Variants in MRNIP observed in about 807,000 individuals in gnomAD.
MRNIP encodes the protein MRN complex interacting protein, also known as MRN complex-interacting protein.
MRNIP carries 30 observed loss-of-function variants against 29.8 expected under a neutral mutation model. The observed-to-expected ratio is 1.01, with a 90% CI of 0.75 to 1.36. The LOEUF is 1.36. Among genes scored for constraint, MRNIP ranks in the 40% most tolerant of loss-of-function variants. The pLI, the probability that MRNIP is intolerant of heterozygous loss-of-function variation, is 0.00. For synonymous variants in MRNIP, 201 were observed against 164.1 expected, an observed-to-expected ratio of 1.23 and a Z score of -1.72; for missense variants, 459 against 423.5, an observed-to-expected ratio of 1.08 and a Z score of -0.74.
At chr5:179,851,160 G>A (rs1182993773) in intron 2 of MRNIP, 1 of 451,870 alleles carries the variant, frequency 2.2e-6, no homozygotes, top group Admixed American at 2.4e-5. Flanking sequence ...GCATTGAGGG[G>A]AGTAAGAAGG....
At chr5:179,851,216 T>G (rs529344175) in intron 2 of MRNIP, 16 of 455,368 alleles carry the variant, frequency 3.5e-5, no homozygotes, top group Admixed American at 1.9e-4. Flanking sequence ...AAACAAGCCA[T>G]GCTCACCATG....
intron 1 of MRNIP, among the ~76,000 whole-genome samples, chr5:179,855,136 A>T (rs1170674105): frequency 1.4e-5 from 2 of 142,518 alleles, no homozygotes; most frequent in Non-Finnish European, 2.9e-5. Flanking sequence ...CAATTTTTTA[A>T]TTTTAATTTT....
At chr5:179,845,190 T>C (rs1759076792) in intron 3 of MRNIP, among the ~76,000 whole-genome samples, 1 of 150,580 alleles carries the variant, frequency 6.6e-6, no homozygotes, top group African/African-American at 2.5e-5. Flanking sequence ...ACGTGTCCAC[T>C]GAATTTTTAA....
At chr5:179,851,834 C>T (rs1759381706) in intron 2 of MRNIP, among the ~76,000 whole-genome samples, 3 of 151,674 alleles carry the variant, frequency 2.0e-5, no homozygotes, top group South Asian at 2.1e-4. Context: ...AAATATTAGC[C>T]GGGCGTGGTG....
At chr5:179,843,051 A>AAGGAAGGG (rs1758972742) in intron 4 of MRNIP, among the ~76,000 whole-genome samples, 2 of 129,022 alleles carry the variant, frequency 1.6e-5, no homozygotes, top group African/African-American at 5.3e-5. Context: ...AGAAGGAAGG[A>AAGGAAGGG]AGGAAGGAAG....
At chr5:179,858,587 C>G (rs571388170) in intron 1 of MRNIP, 144 bp downstream of exon 1, 2 of 578,060 alleles carry the variant, frequency 3.5e-6, no homozygotes. Context: ...GGGGCGACCC[C>G]AATGAGACCC....
At chr5:179,841,705 C>T (rs1758885265) in intron 5 of MRNIP, 1 of 617,252 alleles carries the variant, frequency 1.6e-6, no homozygotes, top group African/African-American at 1.8e-5. Flanking sequence ...CCTGCCCAGC[C>T]TTCGCCTCTG....
At chr5:179,841,572 C>G (rs1231283052) in intron 5 of MRNIP, 6 of 265,558 alleles carry the variant, frequency 2.3e-5, no homozygotes, top group Non-Finnish European at 4.2e-5. Flanking sequence ...AAGTCTGAGG[C>G]CTCTGCTTCT....
intron 3 of MRNIP, among the ~76,000 whole-genome samples, chr5:179,846,505 T>C (rs776948460): frequency 1.3e-5 from 2 of 152,028 alleles, no homozygotes; most frequent in Non-Finnish European, 2.9e-5. Context: ...ATGGTCTCGA[T>C]CTCTTGACCT....
Position 179,837,860 on chromosome 5 carries a change from A to T in MRNIP, c.563T>A (p.Val188Glu). ...GAGGCAGGGGCTGCTGCCTTGTTTC[A>T]CCTTCCATGTCAGGCCAGCCTGTCC... ...QKGQAGLTWK[V>E]KQGSSPCLQE... The change falls in exon 7 of 7, where the codon GTG becomes GAG. Residue 188 changes from valine (V) to glutamate (E), a missense_variant. Physicochemically the swap from Val to Glu is moderately radical, Grantham distance 121 (BLOSUM62 -2). Coordinates refer to ENST00000292586, the MANE Select transcript of MRNIP (RefSeq NM_016175.4). 2.5e-6 allele frequency: 4 copies of T among 1,607,036 alleles called. No homozygotes were observed. The highest frequency in any genetic ancestry group is 3.4e-6 in the Non-Finnish European group (4 of 1,179,604).
chr5:179,851,890 A>G (rs1010023617), intron 2 of MRNIP, among the ~76,000 whole-genome samples: 2 of 152,044 alleles, frequency 1.3e-5, no homozygotes, highest in East Asian at 3.9e-4. Flanking sequence ...AGGCAGGAGA[A>G]TGGCGTAAAC....
At chr5:179,852,808 A>T in intron 2 of MRNIP, among the ~76,000 whole-genome samples, 1 of 152,188 alleles carries the variant, frequency 6.6e-6, no homozygotes, top group East Asian at 1.9e-4. Flanking sequence ...CCTAGAGTTC[A>T]GGAGGGGCAA....
At chr5:179,849,492 T>C (rs1208562484) in intron 2 of MRNIP, among the ~76,000 whole-genome samples, 4 of 144,088 alleles carry the variant, frequency 2.8e-5, no homozygotes, top group Non-Finnish European at 4.5e-5. Context: ...CACAGGCAGA[T>C]GGTAAGAGAT....
chr5:179,858,817 G>T lies in MRNIP; in HGVS notation c.-21C>A. 6.5e-7 allele frequency: 1 copy of T among 1,538,176 alleles called. No individual in the cohort carries two copies. On this transcript the variant is annotated 5_prime_UTR_variant, in exon 1 of 7. It adds an upstream start codon to the 5' untranslated region. Transcript: ENST00000292586. ...GCCATCCCTGCTTGTGCAGTCGCCA[G>T]GCAGCCAAGCGCGTGCGCTCTGCAT...
intron 6 of MRNIP, chr5:179,840,131 G>C (rs1437413259): frequency 6.6e-6 from 1 of 152,186 alleles, no homozygotes; most frequent in Non-Finnish European, 1.5e-5. Flanking sequence ...GTAGAGATGG[G>C]GTTTCACCAT....
intron 4 of MRNIP, 90 bp downstream of exon 4, chr5:179,844,062 A>C: frequency 9.4e-7 from 1 of 1,059,156 alleles, no homozygotes; most frequent in Non-Finnish European, 1.4e-6. Context: ...GCATCAACAC[A>C]CATTTGCTAT....
At chr5:179,843,630 C>T (rs1759006337) in intron 4 of MRNIP, among the ~76,000 whole-genome samples, 1 of 152,058 alleles carries the variant, frequency 6.6e-6, no homozygotes, top group African/African-American at 2.4e-5. Flanking sequence ...GTCCCAGTTA[C>T]TCAGGAGCCT....
chr5:179,851,282 T>C (rs1759355611), intron 2 of MRNIP: 1 of 456,096 alleles, frequency 2.2e-6, no homozygotes, highest in Non-Finnish European at 4.4e-6. Context: ...CCAATCCCAG[T>C]TGACTGGACC....
At chr5:179,850,812 C>T (rs1367874316) in intron 2 of MRNIP, among the ~76,000 whole-genome samples, 2 of 152,174 alleles carry the variant, frequency 1.3e-5, no homozygotes. Context: ...GGGGTGGCCA[C>T]GAAACCAGCC....
Sources: gnomAD v4.1 joint callset for allele counts (sites outside exome capture counted in the v4.1 genomes callset) on GRCh38, gnomAD v4.1.1 for gene constraint, MANE v1.5 for transcripts, NCBI Gene and HGNC (gene_info 2026-07-23, HGNC 2026-07-21) for gene names.